PANK3: variants seen among roughly 807,000 people sequenced by gnomAD.
PANK3 encodes the protein pantothenate kinase 3.
A neutral mutation model predicts 39.4 loss-of-function variants in PANK3; 20 were observed. That is an observed-to-expected ratio of 0.51 (90% confidence interval 0.36 to 0.74). The LOEUF is 0.74. PANK3 is among the 30% of genes least tolerant of loss of function. The pLI is 0.00. For synonymous variants in PANK3, 140 were observed against 157.3 expected (o/e 0.89, Z 0.82); for missense variants, 265 against 437.0 (o/e 0.61, Z 3.51).
intron 3 of PANK3, among the ~76,000 whole-genome samples, chr5:168,564,638 A>G (rs1030212788): frequency 6.6e-6 from 1 of 152,012 alleles, no homozygotes; most frequent in Admixed American, 6.6e-5. Flanking sequence ...GGGTCTCACT[A>G]TGTTTCCCAG....
At chr5:168,561,032 G>A in intron 5 of PANK3, 1 of 405,034 alleles carries the variant, frequency 2.5e-6, no homozygotes, top group Non-Finnish European at 5.4e-6. Flanking sequence ...TGGTATAGTG[G>A]TGAGCATAGC....
At chr5:168,558,128 G>A (rs938710506) in intron 6 of PANK3, among the ~76,000 whole-genome samples, 5 of 149,666 alleles carry the variant, frequency 3.3e-5, no homozygotes, top group African/African-American at 1.2e-4. Flanking sequence ...TGTATTGTGT[G>A]AGCAGTGACA....
At chr5:168,563,744 A>G in intron 4 of PANK3, 145 bp downstream of exon 4, 1 of 607,762 alleles carries the variant, frequency 1.6e-6, no homozygotes, top group South Asian at 5.0e-5. Flanking sequence ...CTTAATTTTT[A>G]AATGACATCA....
At position 168,551,285 on chromosome 5, in the gene PANK3, C is replaced by T. The variant is rs1004267152; in HGVS notation, c.*6286G>A. On this transcript the variant is annotated 3_prime_UTR_variant, in exon 7 of 7. Transcript: ENST00000239231. ...TAAACATAAACTTGATCATGGATAC[C>T]TCATGGCAGATCACTTTAAGTGAGG... is the stretch of plus-strand genomic sequence containing the variant. 5 of 152,086 alleles carry T rather than the reference C, an allele frequency of 3.3e-5. No homozygotes were observed. Among genetic ancestry groups the T allele is most frequent in the Admixed American group, 6.5e-5 (1 of 15,274 alleles). The allele number at this position is 152,086 out of a possible 1,614,324, so 9.4% of individuals were successfully genotyped here.
chr5:168,560,155 T>C, intron 5 of PANK3, among the ~76,000 whole-genome samples: 1 of 152,228 alleles, frequency 6.6e-6, no homozygotes. Flanking sequence ...AGGTCTCAAA[T>C]TGTTGTCAGC....
chr5:168,569,624 A>C (rs968923343), intron 1 of PANK3, among the ~76,000 whole-genome samples: 1 of 152,112 alleles, frequency 6.6e-6, no homozygotes, highest in East Asian at 1.9e-4. Context: ...GGATGAGAAA[A>C]AATTCAGATC....
At chr5:168,572,845 C>G (rs920438262) in intron 1 of PANK3, among the ~76,000 whole-genome samples, 6 of 151,922 alleles carry the variant, frequency 3.9e-5, no homozygotes, top group African/African-American at 1.5e-4. Context: ...AGATAATGGG[C>G]GGTGTTTCTC....
At chr5:168,567,578 T>C (rs1463703921) in intron 2 of PANK3, among the ~76,000 whole-genome samples, 1 of 152,162 alleles carries the variant, frequency 6.6e-6, no homozygotes, top group Non-Finnish European at 1.5e-5. Context: ...TACAGATCTT[T>C]ACCTCAAATT....
At chr5:168,573,573 A>G (rs1315077156) in intron 1 of PANK3, among the ~76,000 whole-genome samples, 1 of 151,848 alleles carries the variant, frequency 6.6e-6, no homozygotes, top group African/African-American at 2.4e-5. Flanking sequence ...CACAATGTGC[A>G]GGTTAGTTAC....
chr5:168,558,582 T>C (rs1352522818), intron 6 of PANK3, among the ~76,000 whole-genome samples: 1 of 152,242 alleles, frequency 6.6e-6, no homozygotes, highest in Non-Finnish European at 1.5e-5. Context: ...AAACATTATG[T>C]GGACTGATAA....
At position 168,561,535 on chromosome 5, in the gene PANK3, T is replaced by A. The variant is rs374399494; in HGVS notation, c.813-19A>T. Reference sequence around the variant, plus strand: ...CCCAAAACTGCAGAAAAATGAAAAATAAAGTCAAATCTGCTGATAAAAAGC... The same window carrying A: ...CCCAAAACTGCAGAAAAATGAAAAAAAAAGTCAAATCTGCTGATAAAAAGC... On this transcript the variant is annotated intron_variant, in intron 4 of 6. Transcript: ENST00000239231. 1.4e-5 allele frequency: 21 copies of A among 1,548,796 alleles called. No individual in the cohort carries two copies. Among genetic ancestry groups the A allele is most frequent in the Non-Finnish European group, 1.7e-5 (20 of 1,150,506 alleles).
chr5:168,577,231 C>T (rs1403627020), intron 1 of PANK3, among the ~76,000 whole-genome samples: 2 of 152,034 alleles, frequency 1.3e-5, no homozygotes, highest in Non-Finnish European at 2.9e-5. Context: ...CTTTCCCACA[C>T]ACAAAACGTC....
intron 1 of PANK3, among the ~76,000 whole-genome samples, chr5:168,574,349 A>G (rs1031564810): frequency 6.6e-6 from 1 of 151,886 alleles, no homozygotes; most frequent in Non-Finnish European, 1.5e-5. Context: ...TCCTTCGCCC[A>G]CTTTTTGATG....
At chr5:168,573,818 T>C (rs962686386) in intron 1 of PANK3, among the ~76,000 whole-genome samples, 1 of 152,024 alleles carries the variant, frequency 6.6e-6, no homozygotes, top group Non-Finnish European at 1.5e-5. Context: ...ATTTCCAATT[T>C]CATCCATGCC....
chr5:168,572,674 C>CT (rs1420696560), intron 1 of PANK3, among the ~76,000 whole-genome samples: 1 of 152,218 alleles, frequency 6.6e-6, no homozygotes, highest in Non-Finnish European at 1.5e-5. Flanking sequence ...TCTTCAGTTG[C>CT]TTCAGGCCAT....
At chr5:168,573,463 C>T (rs1582468350) in intron 1 of PANK3, among the ~76,000 whole-genome samples, 1 of 75,904 alleles carries the variant, frequency 1.3e-5, no homozygotes, top group African/African-American at 5.9e-5. Flanking sequence ...AAGAAGGCAG[C>T]ACAAACAGAA....
chr5:168,564,434 T>C (rs923187432), intron 3 of PANK3, among the ~76,000 whole-genome samples: 1 of 152,056 alleles, frequency 6.6e-6, no homozygotes. Context: ...AAAGAGAAAA[T>C]CTGTAATTTT....
chr5:168,565,857 T>TAAAAAAAAAAAAA, intron 3 of PANK3, among the ~76,000 whole-genome samples, 156 bp downstream of exon 3: 1 of 104,282 alleles, frequency 9.6e-6, no homozygotes, highest in East Asian at 3.7e-4. Flanking sequence ...CTCTTTCACT[T>TAAAAAAAAAAAAA]AAAAAAAAAA....
chr5:168,579,118 A>T lies in PANK3; in HGVS notation c.28+138T>A. 4.4e-6 allele frequency: 3 copies of T among 683,724 alleles called. No homozygotes were observed. In the South Asian group the frequency reaches 8.3e-5, roughly 19 times the overall value. The allele number at this position is 683,724 out of a possible 1,614,324, so 42.4% of individuals were successfully genotyped here. ...ACGGAAGCCTCGAACTCGTGGCTCA[A>T]ATGGTCCCTCCGCCCCCATACCGGA... On this transcript the variant is annotated intron_variant, in intron 1 of 6. Transcript: ENST00000239231.
Sources: allele counts gnomAD v4.1 joint callset (sites outside exome capture counted in the v4.1 genomes callset), GRCh38; gene constraint gnomAD v4.1.1; transcripts MANE v1.5; gene names NCBI Gene and HGNC (gene_info 2026-07-23, HGNC 2026-07-21).